Variants in IRAG2 observed in about 807,000 individuals in gnomAD.
The protein encoded by IRAG2 is lymphoid restricted membrane protein.
In IRAG2, 45 loss-of-function variants were observed where a neutral mutation model predicts 69.9. The ratio of observed to expected loss-of-function variants is 0.64; its 90% confidence interval spans 0.51 to 0.83. The LOEUF is 0.83. IRAG2 is among the 40% of genes least tolerant of loss of function. The pLI, the probability that IRAG2 is intolerant of heterozygous loss-of-function variation, is 0.00. For missense variants in IRAG2, 520 were observed against 587.0 expected (o/e 0.89, Z 1.18); for synonymous variants, 193 against 202.4 (o/e 0.95, Z 0.40).
chr12:25,019,323 C>T (rs1944557512), intron 6 of IRAG2, among the ~76,000 whole-genome samples: 1 of 152,190 alleles, frequency 6.6e-6, no homozygotes, highest in Non-Finnish European at 1.5e-5. Flanking sequence ...GGTTCTTGTC[C>T]AACATCCAGG....
chr12:25,016,408 A>G (rs1944529051), intron 5 of IRAG2, among the ~76,000 whole-genome samples: 1 of 152,222 alleles, frequency 6.6e-6, no homozygotes, highest in Admixed American at 6.5e-5. Context: ...TGTGAGCTTC[A>G]GACTACAATG....
chr12:25,015,882 C>G (rs1944523513), intron 5 of IRAG2, among the ~76,000 whole-genome samples: 1 of 152,182 alleles, frequency 6.6e-6, no homozygotes, highest in Admixed American at 6.6e-5. Flanking sequence ...ATCTTTGCCA[C>G]TTCAGGTTTA....
At chr12:25,059,902 G>A (rs1409624701) in intron 1 of IRAG2, among the ~76,000 whole-genome samples, 1 of 151,902 alleles carries the variant, frequency 6.6e-6, no homozygotes, top group Admixed American at 6.6e-5. Context: ...CTTTTCATTA[G>A]CATTATGCTC....
chr12:25,062,591 G>A (rs1424400339), intron 2 of IRAG2, among the ~76,000 whole-genome samples: 7 of 152,204 alleles, frequency 4.6e-5, no homozygotes, highest in Non-Finnish European at 8.8e-5. Context: ...AAGCCATTCA[G>A]TTTCTTGTTC....
chr12:25,103,952 C>A (rs374861414), intron 18 of IRAG2, 53 bp downstream of exon 18: 384 of 1,595,250 alleles, frequency 2.4e-4, no homozygotes, highest in Admixed American at 8.2e-4. Flanking sequence ...TTTCATATGA[C>A]AGAAAATATA....
At chr12:25,077,993 A>T (rs1946943352) in intron 6 of IRAG2, among the ~76,000 whole-genome samples, 1 of 152,222 alleles carries the variant, frequency 6.6e-6, no homozygotes, top group Non-Finnish European at 1.5e-5. Flanking sequence ...CCTCTCCAAT[A>T]GCCTAGGTTA....
chr12:25,107,910 GTTTGCAGC>G lies in IRAG2; in HGVS notation c.1355_1362del (p.Ala452AspfsTer68). On this transcript the variant is annotated frameshift_variant, in exon 22 of 22. Transcript: ENST00000556887. LOFTEE classifies it high-confidence loss of function. ...GGCTCTCTATTGCATTCATTGTACT[GTTTGCAGC>G]TTTGATGAGCTTCCTCACAGGCCAA... 1 of 1,614,180 alleles carries G rather than the reference GTTTGCAGC, an allele frequency of 6.2e-7. No individual in the cohort carries two copies. The highest frequency in any genetic ancestry group is 8.5e-7 in the Non-Finnish European group (1 of 1,180,034).
intron 20 of IRAG2, among the ~76,000 whole-genome samples, chr12:25,104,694 C>T (rs754262388): frequency 2.6e-5 from 4 of 152,116 alleles, no homozygotes; most frequent in Non-Finnish European, 4.4e-5. Flanking sequence ...AGAAAAGACC[C>T]TGGAGTTTGC....
At position 25,104,212 on chromosome 12, in the gene IRAG2, T is replaced by C. The variant is rs1482927807; in HGVS notation, c.1047-149T>C. ...TAAATTGGTATCTAATTATGAAGTT[T>C]TTTATCATAAAGTAGGAGATCTGTG... On this transcript the variant is annotated intron_variant, in intron 19 of 21. Transcript: ENST00000556887. 4 of 858,498 alleles carry C rather than the reference T, an allele frequency of 4.7e-6. No homozygotes were observed. The East Asian group carries it at 1.1e-4, about 23-fold the overall frequency. The allele number at this position is 858,498 out of a possible 1,614,324, so 53.2% of individuals were successfully genotyped here.
chr12:25,098,600 T>TA (rs1317429779), intron 15 of IRAG2, among the ~76,000 whole-genome samples: 9 of 152,258 alleles, frequency 5.9e-5, no homozygotes, highest in African/African-American at 2.2e-4. Context: ...TTTCTCCATT[T>TA]ACATTTTCTC....
rs1944493443 is a variant in IRAG2 at position 25,013,449 on chromosome 12, G to C, written c.897-1733G>C. ...GCTGTGACAGAGCCACTACACTTCAGCCTGGGCAAGAGAGCAAGGCCCTGT... is the reference window on the plus strand; with the variant it reads ...GCTGTGACAGAGCCACTACACTTCACCCTGGGCAAGAGAGCAAGGCCCTGT... On this transcript the variant is annotated intron_variant, in intron 3 of 38. Transcript: ENST00000636465. Among the ~76,000 whole-genome samples the C allele has an allele frequency of 1.3e-5, 2 of 152,190 alleles. 1 individual carries two copies. Among genetic ancestry groups the C allele is most frequent in the South Asian group, 4.1e-4 (2 of 4,820 alleles).
At chr12:25,098,395 A>T (rs780307151) in intron 15 of IRAG2, among the ~76,000 whole-genome samples, 2 of 151,994 alleles carry the variant, frequency 1.3e-5, no homozygotes, top group Non-Finnish European at 2.9e-5. Context: ...ACTGCTTCCA[A>T]CCTCACTGAG....
chr12:25,061,180 A>G (rs1945612537), intron 1 of IRAG2, among the ~76,000 whole-genome samples: 2 of 152,194 alleles, frequency 1.3e-5, no homozygotes, highest in South Asian at 4.1e-4. Context: ...CCCCAAATTT[A>G]AAGCCATTAA....
At chr12:25,058,663 C>G (rs1227039089) in intron 1 of IRAG2, among the ~76,000 whole-genome samples, 3 of 152,132 alleles carry the variant, frequency 2.0e-5, no homozygotes, top group African/African-American at 4.8e-5. Flanking sequence ...TTTCAACAGG[C>G]AATTAATTGT....
chr12:25,031,645 CGTGTGT>C (rs377409117), intron 10 of IRAG2, among the ~76,000 whole-genome samples: 1 of 151,250 alleles, frequency 6.6e-6, no homozygotes, highest in South Asian at 2.1e-4. Flanking sequence ...CCTTTTTGTC[CGTGTGT>C]GTGTGTGTGT....
chr12:25,011,495 C>A, exon 3 of IRAG2: 3 of 1,231,568 alleles, frequency 2.4e-6, no homozygotes, highest in Non-Finnish European at 3.0e-6. Context: ...CACATGTGGA[C>A]CTGGAAACTT....
intron 1 of IRAG2, among the ~76,000 whole-genome samples, chr12:25,056,582 T>A (rs1945272103): frequency 6.6e-6 from 1 of 152,206 alleles, no homozygotes; most frequent in African/African-American, 2.4e-5. Context: ...ATTACATAAA[T>A]AACATAATAA....
Position 25,084,852 on chromosome 12 carries a change from CTT to C in IRAG2, c.315+1360_315+1361del, listed in dbSNP as rs1394607085. ...CCAAAATCAGAGAATGCTCAAGTCT[CTT>C]ATATAAAAATTGCATAGTATTTGCA... is the stretch of plus-strand genomic sequence containing the variant. On this transcript the variant is annotated intron_variant, in intron 10 of 21. Transcript: ENST00000556887. Among the ~76,000 whole-genome samples the C allele has an allele frequency of 2.0e-5, 3 of 152,188 alleles. No individual in the cohort carries two copies. The East Asian group carries it at 5.8e-4, about 29-fold the overall frequency.
chr12:25,036,287 A>C (rs1944701544), intron 14 of IRAG2, among the ~76,000 whole-genome samples: 1 of 152,224 alleles, frequency 6.6e-6, no homozygotes, highest in African/African-American at 2.4e-5. Flanking sequence ...ATTTTGGTAC[A>C]TTTTAGAACG....
Sources: allele counts gnomAD v4.1 joint callset (sites outside exome capture counted in the v4.1 genomes callset), GRCh38; gene constraint gnomAD v4.1.1; transcripts MANE v1.5; gene names NCBI Gene and HGNC (gene_info 2026-07-23, HGNC 2026-07-21).